ATAD2B: variants seen among roughly 807,000 people sequenced by gnomAD.
ATAD2B encodes the protein ATPase family AAA domain containing 2B.
In ATAD2B, 40 loss-of-function variants were observed where a neutral mutation model predicts 167.6. The observed-to-expected ratio is 0.24, with a 90% confidence interval of 0.19 to 0.31. The LOEUF (loss-of-function observed/expected upper bound fraction) is 0.31. ATAD2B is among the 10% of genes least tolerant of loss of function. The pLI is 1.00. For synonymous variants in ATAD2B, 579 were observed against 596.5 expected (o/e 0.97, Z 0.43); for missense variants, 1,242 against 1,757.2 (o/e 0.71, Z 5.24).
the ATAD2B span, among the ~76,000 whole-genome samples, chr2:23,737,351 T>G: frequency 6.6e-6 from 1 of 152,046 alleles, no homozygotes; most frequent in Non-Finnish European, 1.5e-5. Context: ...AGACAAAACT[T>G]CCAGAGGAAC....
chr2:23,883,054 A>G (rs910767924), intron 6 of ATAD2B, among the ~76,000 whole-genome samples: 2 of 152,046 alleles, frequency 1.3e-5, no homozygotes, highest in South Asian at 2.1e-4. Context: ...CAGGAAGACT[A>G]TTTGAGCTCA....
At chr2:23,709,468 G>T in the ATAD2B span, among the ~76,000 whole-genome samples, 231 of 152,354 alleles carry the variant, frequency 1.5e-3, no homozygotes, top group African/African-American at 5.3e-3. Flanking sequence ...TGCGTGCCAG[G>T]CTCCCTGGGG....
intron 6 of ATAD2B, among the ~76,000 whole-genome samples, chr2:23,882,450 C>T (rs1337533689): frequency 1.3e-5 from 2 of 149,786 alleles, no homozygotes. Context: ...CCCGCCTCAG[C>T]CTCCGAAAGT....
In ATAD2B at chr2:23,803,338, A is replaced by G. The variant is rs78581844; in HGVS notation, c.2455-5015T>C. Among the ~76,000 whole-genome samples, 765 of 150,688 alleles carry G rather than the reference A, an allele frequency of 5.1e-3. 17 individuals carry two copies. The East Asian group carries it at 0.067, about 13-fold the overall frequency. On this transcript the variant is annotated intron_variant, in intron 18 of 27. Coordinates refer to ENST00000238789, the MANE Select transcript of ATAD2B (RefSeq NM_017552.4). ...TACACACACACACACACACACACACACGCGCACGCATTTGTTTCAGTAATA... is the reference window on the plus strand; with the variant it reads ...TACACACACACACACACACACACACGCGCGCACGCATTTGTTTCAGTAATA...
intron 12 of ATAD2B, 88 bp from the exon 13 acceptor site, chr2:23,857,591 T>C (rs1332873013): frequency 3.5e-6 from 2 of 563,558 alleles, no homozygotes; most frequent in Non-Finnish European, 5.9e-6. Flanking sequence ...TAAAAGCAAA[T>C]GGTACAACAT....
chr2:23,872,720 T>C lies in ATAD2B; in HGVS notation c.978-2959A>G, dbSNP rs995582403. ...TGCAGCAGTTTCTGCTTTACTGAGA[T>C]CAGTCAGACCCCCATAGTGCTGCTC... is the stretch of plus-strand genomic sequence containing the variant. On this transcript the variant is annotated intron_variant, in intron 8 of 27. Coordinates refer to ENST00000238789, the MANE Select transcript of ATAD2B (RefSeq NM_017552.4). 4.4e-6 allele frequency: 5 copies of C among 1,130,532 alleles called. No homozygotes were observed. The Admixed American group carries it at 6.8e-5, about 15-fold the overall frequency. The allele number at this position is 1,130,532 out of a possible 1,614,324, so 70.0% of individuals were successfully genotyped here. A position where few individuals can be genotyped will look rare whatever the true frequency, so the allele number is the denominator to read the frequency against.
intron 6 of ATAD2B, chr2:23,883,541 C>T: frequency 9.3e-7 from 1 of 1,078,954 alleles, no homozygotes. Context: ...GGAAACTCTA[C>T]AAAGATGTTC....
intron 1 of ATAD2B, among the ~76,000 whole-genome samples, chr2:23,909,139 A>AT (rs112303904): frequency 0.12 from 18,228 of 147,750 alleles, 1,166 homozygotes; most frequent in Middle Eastern, 0.21. Context: ...AATAATAATA[A>AT]AAAAAAAAAA....
chr2:23,745,056 C>T (rs984111029), downstream of ATAD2B, among the ~76,000 whole-genome samples: 4 of 151,920 alleles, frequency 2.6e-5, no homozygotes, highest in East Asian at 1.9e-4. Flanking sequence ...GAGGCCAAGG[C>T]GGGCAGATCA....
intron 18 of ATAD2B, among the ~76,000 whole-genome samples, chr2:23,807,330 G>A (rs978852741): frequency 4.6e-5 from 7 of 151,972 alleles, no homozygotes; most frequent in East Asian, 1.9e-4. Flanking sequence ...GGAGTTGAAC[G>A]CTCAACAGAT....
At chr2:23,683,991 T>G in the ATAD2B span, among the ~76,000 whole-genome samples, 1 of 152,220 alleles carries the variant, frequency 6.6e-6, no homozygotes, top group Non-Finnish European at 1.5e-5. Context: ...ATGCTTGACT[T>G]GGTCTCCAAT....
the ATAD2B span, chr2:23,703,222 C>T: frequency 6.8e-7 from 1 of 1,477,566 alleles, no homozygotes; most frequent in East Asian, 2.7e-5. Context: ...AGGCGGTGGC[C>T]CCTCTGCCCA....
chr2:23,814,754 C>T (rs1280679803), intron 17 of ATAD2B, among the ~76,000 whole-genome samples: 3 of 152,098 alleles, frequency 2.0e-5, no homozygotes, highest in South Asian at 2.1e-4. Context: ...TTGTAAGCCA[C>T]GTTAAAAGTT....
intron 1 of ATAD2B, among the ~76,000 whole-genome samples, chr2:23,923,560 T>C (rs1704260051): frequency 6.6e-6 from 1 of 152,026 alleles, no homozygotes; most frequent in Non-Finnish European, 1.5e-5. Context: ...CGGACATGTC[T>C]ATGGTGTTGA....
intron 14 of ATAD2B, 37 bp downstream of exon 14, chr2:23,833,882 A>G: frequency 6.7e-7 from 1 of 1,496,370 alleles, no homozygotes; most frequent in East Asian, 2.3e-5. Flanking sequence ...GTAGAATTAC[A>G]TATAAATGTT....
chr2:23,877,563 G>A (rs1573197656), intron 7 of ATAD2B, among the ~76,000 whole-genome samples: 1 of 106,922 alleles, frequency 9.4e-6, no homozygotes, highest in Non-Finnish European at 1.9e-5. Flanking sequence ...CAGGGGAAGG[G>A]AGGGGAGGGG....
At chr2:23,840,882 A>T (rs1043826443) in intron 13 of ATAD2B, among the ~76,000 whole-genome samples, 5 of 152,254 alleles carry the variant, frequency 3.3e-5, no homozygotes, top group Middle Eastern at 3.4e-3. Flanking sequence ...CATAGTTTGA[A>T]CTATGGTTAT....
Position 23,887,419 on chromosome 2 carries a change from CT to C in ATAD2B, c.572+412del, listed in dbSNP as rs1249738056. On this transcript the variant is annotated intron_variant, in intron 4 of 27. Coordinates refer to ENST00000238789, the MANE Select transcript of ATAD2B (RefSeq NM_017552.4). Reference sequence around the variant, plus strand: ...TACTTAGATAACATTAACTATGCATCTAGATACTGAACAATACTTAAGTTTT... The same window carrying C: ...TACTTAGATAACATTAACTATGCATCAGATACTGAACAATACTTAAGTTTT... Among the ~76,000 whole-genome samples, 17 of 152,234 alleles carry C rather than the reference CT, an allele frequency of 1.1e-4. No individual in the cohort carries two copies. The South Asian group carries it at 3.5e-3, about 32-fold the overall frequency.
chr2:23,788,249 G>C (rs916322349), intron 20 of ATAD2B: 7 of 380,474 alleles, frequency 1.8e-5, no homozygotes, highest in Middle Eastern at 6.9e-4. Context: ...ATGACTTTTT[G>C]AGCCCCATAA....
Sources: allele counts gnomAD v4.1 joint callset (sites outside exome capture counted in the v4.1 genomes callset), GRCh38; gene constraint gnomAD v4.1.1; transcripts MANE v1.5; gene names NCBI Gene and HGNC (gene_info 2026-07-23, HGNC 2026-07-21).